The following MGAT4C variants were observed in gnomAD, a reference collection of about 807,000 sequenced individuals.
MGAT4C encodes alpha-1,3-mannosyl-glycoprotein 4-beta-N-acetylglucosaminyltransferase C.
MGAT4C carries 19 observed loss-of-function variants against 40.1 expected under a neutral mutation model. The ratio of observed to expected loss-of-function variants is 0.47; its 90% CI spans 0.33 to 0.70. The LOEUF is 0.70. Ranked by LOEUF, MGAT4C falls within the 30% of genes least tolerant of loss-of-function variation. MGAT4C has a pLI of 0.02. For missense variants in MGAT4C, 491 were observed against 563.2 expected (o/e 0.87, Z 1.30); for synonymous variants, 181 against 187.1 (o/e 0.97, Z 0.27).
rs190606205 is a variant in MGAT4C, at chr12:85,959,380, C to T, written c.*19909G>A. The T allele has an allele frequency of 6.6e-6, 1 of 152,068 alleles. No homozygotes were observed. The highest frequency in any genetic ancestry group is 1.5e-5 in the Non-Finnish European group (1 of 67,902). The allele number at this position is 152,068 out of a possible 1,614,324, so 9.4% of individuals were successfully genotyped here. On this transcript the variant is annotated 3_prime_UTR_variant, in exon 5 of 5. Transcript: ENST00000611864. The stretch of plus-strand genomic sequence containing the variant: ...TTTGGTAAATCTTTGCTTTACAGGG[C>T]TTCAAGTTATAGATTTTTCTTTTTT...
chr12:86,065,525 A>T (rs1894452482), intron 1 of MGAT4C, among the ~76,000 whole-genome samples: 1 of 152,148 alleles, frequency 6.6e-6, no homozygotes, highest in African/African-American at 2.4e-5. Flanking sequence ...CATGCTAAAA[A>T]CTCTCAATAA....
intron 4 of MGAT4C, among the ~76,000 whole-genome samples, chr12:86,288,221 A>T (rs1266102564): frequency 6.6e-6 from 1 of 152,020 alleles, no homozygotes; most frequent in African/African-American, 2.4e-5. Flanking sequence ...AATTTGTTTA[A>T]GTTCCTTGTA....
intron 1 of MGAT4C, among the ~76,000 whole-genome samples, chr12:86,179,328 G>A (rs183185963): frequency 2.0e-4 from 30 of 151,876 alleles, no homozygotes; most frequent in Admixed American, 1.8e-3. Flanking sequence ...CCCAGTTTTG[G>A]GTATGTCTTT....
At chr12:86,011,025 A>C (rs924079689) in intron 2 of MGAT4C, among the ~76,000 whole-genome samples, 3 of 152,180 alleles carry the variant, frequency 2.0e-5, no homozygotes, top group African/African-American at 7.2e-5. Flanking sequence ...CAGACTTCAG[A>C]ACTGTAGAAA....
At chr12:86,067,992 T>A (rs1894718905) in intron 1 of MGAT4C, 1 of 152,132 alleles carries the variant, frequency 6.6e-6, no homozygotes, top group Non-Finnish European at 1.5e-5. Flanking sequence ...CACCAAAAAA[T>A]CTGGAAGATC....
At chr12:86,438,265 C>T (rs1048770037) in intron 2 of MGAT4C, among the ~76,000 whole-genome samples, 3 of 151,918 alleles carry the variant, frequency 2.0e-5, no homozygotes, top group African/African-American at 7.2e-5. Context: ...AAGATAAAGC[C>T]TAATCCAGAG....
At chr12:86,068,543 A>ATATAAATATATATAAGTATATTTATATGT (rs1894778074) in intron 1 of MGAT4C, 1 of 148,350 alleles carries the variant, frequency 6.7e-6, no homozygotes, top group Non-Finnish European at 1.5e-5. Context: ...ATAAATATGA[A>ATATAAATATATATAAGTATATTTATATGT]TATAAATATA....
At chr12:86,339,550 T>A (rs1484896361) in intron 3 of MGAT4C, among the ~76,000 whole-genome samples, 1 of 152,222 alleles carries the variant, frequency 6.6e-6, no homozygotes, top group Non-Finnish European at 1.5e-5. Context: ...CTCAATCTTC[T>A]AAATGTCTTT....
intron 1 of MGAT4C, among the ~76,000 whole-genome samples, chr12:86,804,105 C>T (rs1271626996): frequency 4.2e-4 from 63 of 150,784 alleles, no homozygotes; most frequent in Non-Finnish European, 5.2e-4. Context: ...GATGAGTTCA[C>T]GTCCTTTGTA....
At chr12:86,620,168 A>G (rs1357382901) in intron 2 of MGAT4C, among the ~76,000 whole-genome samples, 1 of 152,162 alleles carries the variant, frequency 6.6e-6, no homozygotes, top group Non-Finnish European at 1.5e-5. Context: ...CTCAAATACT[A>G]AAAATAGAAC....
chr12:86,536,653 G>A (rs943245856), intron 2 of MGAT4C, among the ~76,000 whole-genome samples: 30 of 152,248 alleles, frequency 2.0e-4, no homozygotes, highest in African/African-American at 7.2e-4. Context: ...ACTTTCTAGA[G>A]AGTTTTAAGC....
At position 85,973,190 on chromosome 12, in the gene MGAT4C, G is replaced by A. The variant is rs1883714918; in HGVS notation, c.*6099C>T. The A allele has an allele frequency of 1.3e-5, 2 of 150,894 alleles. No individual in the cohort carries two copies. The highest frequency in any genetic ancestry group is 4.1e-4 in the South Asian group (2 of 4,824). 9.3% of individuals were successfully genotyped at this position (150,894 alleles called of 1,614,324 possible). A position where few individuals can be genotyped will look rare whatever the true frequency, so the allele number is the denominator to read the frequency against. On this transcript the variant is annotated 3_prime_UTR_variant, in exon 5 of 5. Transcript: ENST00000611864. ...GTAAAGTGAGGGAAAGGGTGGAAGA[G>A]ACAAATCCTACGTCTCTTCCAGAAC...
intron 2 of MGAT4C, among the ~76,000 whole-genome samples, chr12:86,570,729 C>A (rs1292515251): frequency 6.6e-6 from 1 of 151,998 alleles, no homozygotes; most frequent in Non-Finnish European, 1.5e-5. Flanking sequence ...GTAAAAGCCC[C>A]AAAATATTAA....
At position 86,832,964 on chromosome 12, in the gene MGAT4C, T is replaced by A. The variant is rs574620314; in HGVS notation, c.-262+5702A>T. The stretch of plus-strand genomic sequence containing the variant: ...TCATATATCGTTTTAACACTGAAGC[T>A]TTTAAGTGTCCATTAACAGTGAACT... On this transcript the variant is annotated intron_variant, in intron 1 of 7. Coordinates refer to the MGAT4C transcript ENST00000548651. 2.0e-5 allele frequency among the ~76,000 whole-genome samples: 3 copies of A among 152,074 alleles called. No individual in the cohort carries two copies. The East Asian group carries it at 5.8e-4, about 29-fold the overall frequency.
chr12:86,132,754 T>C (rs962943974), intron 1 of MGAT4C, among the ~76,000 whole-genome samples: 38 of 126,518 alleles, frequency 3.0e-4, no homozygotes, highest in African/African-American at 1.1e-3. Context: ...ATCGCGCCAC[T>C]GCACTCCAGC....
intron 1 of MGAT4C, among the ~76,000 whole-genome samples, chr12:86,734,717 G>A (rs983805575): frequency 8.6e-5 from 13 of 152,042 alleles, no homozygotes; most frequent in African/African-American, 3.1e-4. Flanking sequence ...TCAGAGCCTT[G>A]ATCTTGGATG....
rs1011779713 is a variant in MGAT4C at position 85,965,573 on chromosome 12, G to T, written c.*13716C>A. 2.8e-5 allele frequency: 4 copies of T among 144,890 alleles called. No individual in the cohort carries two copies. The highest frequency in any genetic ancestry group is 1.0e-4 in the African/African-American group (4 of 38,490). The allele number at this position is 144,890 out of a possible 1,614,324, so 9.0% of individuals were successfully genotyped here. A position where few individuals can be genotyped will look rare whatever the true frequency, so the allele number is the denominator to read the frequency against. On this transcript the variant is annotated 3_prime_UTR_variant, in exon 5 of 5. Coordinates refer to ENST00000611864, the MANE Select transcript of MGAT4C (RefSeq NM_001351288.2). ...GATAGTGCCACTGCAGTCCGGCCTG[G>T]GCAAAAGAGTGAGACTCTGTCTCAA...
chr12:86,271,043 G>T (rs1952933021), intron 4 of MGAT4C, among the ~76,000 whole-genome samples: 2 of 151,940 alleles, frequency 1.3e-5, no homozygotes, highest in African/African-American at 4.8e-5. Flanking sequence ...TTAAATATAA[G>T]ACAAGAAAAT....
At chr12:86,546,836 A>C (rs1265378156) in intron 2 of MGAT4C, among the ~76,000 whole-genome samples, 1 of 152,074 alleles carries the variant, frequency 6.6e-6, no homozygotes, top group Non-Finnish European at 1.5e-5. Context: ...CCCAAAAAAC[A>C]CCACTGTCTA....
Sources: allele counts gnomAD v4.1 joint callset (sites outside exome capture counted in the v4.1 genomes callset), GRCh38; gene constraint gnomAD v4.1.1; transcripts MANE v1.5; gene names NCBI Gene and HGNC (gene_info 2026-07-23, HGNC 2026-07-21).